Variants in DNAH12 observed in about 807,000 individuals in gnomAD.
DNAH12 encodes the protein axonemal beta dynein heavy chain 12.
A neutral mutation model predicts 371.5 loss-of-function variants in DNAH12; 285 were observed. The ratio of observed to expected loss-of-function variants is 0.77; its 90% confidence interval spans 0.70 to 0.85. DNAH12 has a LOEUF of 0.85. Ranked by LOEUF, DNAH12 falls within the 40% of genes least tolerant of loss-of-function variation. The pLI, the probability that DNAH12 is intolerant of heterozygous loss-of-function variation, is 0.00. For missense variants in DNAH12, 3,611 were observed against 3,689.4 expected, an observed-to-expected ratio of 0.98 and a Z score of 0.55; for synonymous variants, 1,200 against 1,213.0, an observed-to-expected ratio of 0.99 and a Z score of 0.22.
In DNAH12 at chr3:57,461,888, G is replaced by C. The variant is rs530188897; in HGVS notation, c.2536-199C>G. On this transcript the variant is annotated intron_variant, in intron 18 of 73. Transcript: ENST00000495027. ...AATTCCTAAGAAGAACGATTATGTAGTTTTAAAGAATTCACTTGCTATGAA... is the reference window on the plus strand; with the variant it reads ...AATTCCTAAGAAGAACGATTATGTACTTTTAAAGAATTCACTTGCTATGAA... Among the ~76,000 whole-genome samples, 8 of 152,256 alleles carry C rather than the reference G, an allele frequency of 5.3e-5. No homozygotes were observed. The East Asian group carries it at 1.5e-3, about 29-fold the overall frequency.
At chr3:57,464,246 G>A (rs2066136111) in intron 17 of DNAH12, among the ~76,000 whole-genome samples, 2 of 152,012 alleles carry the variant, frequency 1.3e-5, no homozygotes. Context: ...ACCATCCCCA[G>A]CCCTGGAAAT....
In DNAH12 at chr3:57,461,641, C is replaced by A; in HGVS notation, c.2584G>T (p.Asp862Tyr). ...AMNTMIGTWE[D>Y]IAFHISLYRD... ...TACAGACTTATATGAAAAGCAATATCTTCCCAAGTTCCTATCATTGTATTC... is the reference window on the plus strand; with the variant it reads ...TACAGACTTATATGAAAAGCAATATATTCCCAAGTTCCTATCATTGTATTC... Residue 862 changes from aspartate to tyrosine, a missense_variant, in exon 19 of 74, where the codon GAT (aspartate) becomes TAT (tyrosine). Asp to Tyr is a radical substitution (Grantham distance 160). This residue lies in a region of DNAH12 where 1,314 missense variants were observed against 1,398.7 expected (regional missense o/e 0.94). Coordinates refer to ENST00000495027, the MANE Select transcript of DNAH12 (RefSeq NM_001366028.2). The A allele has an allele frequency of 1.3e-6, 2 of 1,551,118 alleles. No homozygotes were observed. The highest frequency in any genetic ancestry group is 1.7e-6 in the Non-Finnish European group (2 of 1,146,816).
chr3:57,323,299 T>C, intron 63 of DNAH12, 39 bp from the exon 64 acceptor site: 1 of 1,528,120 alleles, frequency 6.5e-7, no homozygotes, highest in Non-Finnish European at 8.8e-7. Context: ...CTACTTACTC[T>C]AAAATTATAA....
rs188540108 is a variant in DNAH12, at chr3:57,322,399, G to A, written c.10468C>T (p.Leu3490Phe). 4 of 1,552,094 alleles carry A rather than the reference G, an allele frequency of 2.6e-6. No homozygotes were observed. Among genetic ancestry groups the A allele is most frequent in the African/African-American group, 2.7e-5 (2 of 73,158 alleles). The change falls in exon 65 of 74, where the codon CTC (leucine) becomes TTC (phenylalanine). Residue 3490 changes from leucine to phenylalanine, a missense_variant. Transcript: ENST00000495027. ...GLRLNLLQSY[L>F]TDPVSDPEFF... ...TCAGGATCAGAAACTGGATCAGTGA[G>A]ATATGATTGAAGGAGATTCAGCCGA...
At position 57,470,725 on chromosome 3, in the gene DNAH12, G is replaced by C; in HGVS notation, c.1912-89C>G. Reference sequence around the variant, plus strand: ...ATGATACTGTGTACAATATGTCCTTGTATTTATACAACAAGTTTATTTTTA... The same window carrying C: ...ATGATACTGTGTACAATATGTCCTTCTATTTATACAACAAGTTTATTTTTA... On this transcript the variant is annotated intron_variant, in intron 15 of 73. Transcript: ENST00000495027. The C allele has an allele frequency of 2.7e-6, 3 of 1,108,196 alleles. No homozygotes were observed. In the South Asian group the frequency reaches 4.8e-5, roughly 18 times the overall value. The allele number at this position is 1,108,196 out of a possible 1,614,324, so 68.6% of individuals were successfully genotyped here. A position where few individuals can be genotyped will look rare whatever the true frequency, so the allele number is the denominator to read the frequency against.
At chr3:57,425,265 T>C in intron 34 of DNAH12, 124 bp from the exon 35 acceptor site, 1 of 585,214 alleles carries the variant, frequency 1.7e-6, no homozygotes, top group Non-Finnish European at 3.0e-6. Flanking sequence ...TTTTTGTTTT[T>C]GAGATGGGAT....
chr3:57,480,442 C>A (rs997907092), intron 13 of DNAH12, among the ~76,000 whole-genome samples: 3 of 151,322 alleles, frequency 2.0e-5, no homozygotes, highest in African/African-American at 7.3e-5. Flanking sequence ...GCTTACCAAC[C>A]AAAAAAAGTC....
intron 72 of DNAH12, 86 bp from the exon 73 acceptor site, chr3:57,295,678 C>G: frequency 8.4e-7 from 1 of 1,183,582 alleles, no homozygotes; most frequent in Non-Finnish European, 1.2e-6. Flanking sequence ...TTGGCTTTTA[C>G]TAAAAGAAAG....
At chr3:57,444,184 AG>A (rs200921513) in intron 29 of DNAH12, among the ~76,000 whole-genome samples, 1,568 of 152,114 alleles carry the variant, frequency 0.01, 19 homozygotes, top group African/African-American at 0.036. Flanking sequence ...CTGGGCAACA[AG>A]AGCAAAACTC....
At chr3:57,401,807 T>G (rs562612603) in intron 43 of DNAH12, among the ~76,000 whole-genome samples, 1 of 152,040 alleles carries the variant, frequency 6.6e-6, no homozygotes, top group South Asian at 2.1e-4. Flanking sequence ...AGTAGCACAC[T>G]CTGGTAGCAC....
chr3:57,370,808 T>C (rs1471051009), intron 55 of DNAH12, among the ~76,000 whole-genome samples: 1 of 152,138 alleles, frequency 6.6e-6, no homozygotes, highest in African/African-American at 2.4e-5. Context: ...AACTGACACC[T>C]GGACTTGGGA....
intron 25 of DNAH12, among the ~76,000 whole-genome samples, chr3:57,450,263 A>AAAAAAAAAAAAAGG (rs1559675139): frequency 1.3e-5 from 2 of 148,766 alleles, no homozygotes; most frequent in Non-Finnish European, 1.5e-5. Context: ...AAAAAAAAAA[A>AAAAAAAAAAAAAGG]GGTGGCCCAG....
At chr3:57,345,828 ATATATTT>A (rs1553657875) in intron 60 of DNAH12, among the ~76,000 whole-genome samples, 1 of 152,172 alleles carries the variant, frequency 6.6e-6, no homozygotes, top group Admixed American at 6.5e-5. Context: ...TAGTATCTAC[ATATATTT>A]TATGTATTTA....
At chr3:57,470,891 G>A (rs1047535578) in intron 15 of DNAH12, among the ~76,000 whole-genome samples, 3 of 152,130 alleles carry the variant, frequency 2.0e-5, no homozygotes, top group Non-Finnish European at 4.4e-5. Flanking sequence ...ATTTTTAGTA[G>A]AGACGGGGTT....
intron 43 of DNAH12, among the ~76,000 whole-genome samples, chr3:57,395,968 T>C (rs1258060069): frequency 1.3e-5 from 2 of 151,638 alleles, no homozygotes; most frequent in Non-Finnish European, 2.9e-5. Context: ...TGTCTTATTT[T>C]AAATTAAAAA....
chr3:57,481,328 A>C (rs1376599767), intron 13 of DNAH12, among the ~76,000 whole-genome samples: 2 of 152,218 alleles, frequency 1.3e-5, no homozygotes, highest in African/African-American at 4.8e-5. Flanking sequence ...CAATTGCTTC[A>C]AAGAGAATAA....
intron 41 of DNAH12, 102 bp downstream of exon 41, chr3:57,405,548 AAAG>A: frequency 7.9e-7 from 1 of 1,265,862 alleles, no homozygotes; most frequent in African/African-American, 1.5e-5. Context: ...AGGAATGCTA[AAAG>A]AATATGTTCA....
intron 2 of DNAH12, among the ~76,000 whole-genome samples, chr3:57,526,339 T>G (rs1446576953): frequency 1.3e-5 from 2 of 152,214 alleles, no homozygotes; most frequent in Non-Finnish European, 2.9e-5. Flanking sequence ...TCTTTTTTTA[T>G]GGCTGAATGG....
In DNAH12 at chr3:57,433,350, T is replaced by G. The variant is rs1379105861; in HGVS notation, c.4980+17A>C. On this transcript the variant is annotated intron_variant, in intron 32 of 73. Coordinates refer to ENST00000495027, the MANE Select transcript of DNAH12 (RefSeq NM_001366028.2). ...TTAATCATGGCTGAATCTGCTTCTCTTTTGATCATGATTTACCTTTTTATT... is the reference window on the plus strand; with the variant it reads ...TTAATCATGGCTGAATCTGCTTCTCGTTTGATCATGATTTACCTTTTTATT... The G allele has an allele frequency of 1.9e-6, 3 of 1,544,956 alleles. No homozygotes were observed. The highest frequency in any genetic ancestry group is 2.6e-6 in the Non-Finnish European group (3 of 1,144,342).
Sources: gnomAD v4.1 joint callset for allele counts (sites outside exome capture counted in the v4.1 genomes callset) on GRCh38, gnomAD v4.1.1 for gene constraint, gnomAD v4.1.1 regional missense constraint, MANE v1.5 for transcripts, NCBI Gene and HGNC (gene_info 2026-07-23, HGNC 2026-07-21) for gene names.